RAB38: variants seen among roughly 807,000 people sequenced by gnomAD.
RAB38 encodes ras-related protein Rab-38.
Under a neutral mutation model 18.4 loss-of-function variants are expected in RAB38, and 15 were observed. The observed-to-expected ratio is 0.82, with a 90% confidence interval of 0.55 to 1.26. The LOEUF is 1.26. Among genes scored for constraint, RAB38 ranks in the 50% most tolerant of loss-of-function variants. The pLI is 0.00. For synonymous variants in RAB38, 101 were observed against 104.4 expected (o/e 0.97, Z 0.20); for missense variants, 294 against 267.4 (o/e 1.10, Z -0.69).
the RAB38 span, among the ~76,000 whole-genome samples, chr11:87,963,690 A>T: frequency 6.8e-6 from 1 of 147,064 alleles, no homozygotes; most frequent in Non-Finnish European, 1.5e-5. Context: ...TCTGTTGCCC[A>T]GGCTGGAGTG....
chr11:87,855,152 T>G, the RAB38 span, among the ~76,000 whole-genome samples: 9 of 152,140 alleles, frequency 5.9e-5, no homozygotes, highest in African/African-American at 2.2e-4. Flanking sequence ...TTTCCCTCAT[T>G]TTTTTCTAAG....
chr11:87,918,810 T>C, the RAB38 span, among the ~76,000 whole-genome samples: 1 of 152,250 alleles, frequency 6.6e-6, no homozygotes, highest in Non-Finnish European at 1.5e-5. Flanking sequence ...TTTACTTCCA[T>C]TCCATAGGTT....
chr11:87,809,401 T>A, the RAB38 span, among the ~76,000 whole-genome samples: 1 of 152,244 alleles, frequency 6.6e-6, no homozygotes, highest in Non-Finnish European at 1.5e-5. Context: ...AAACTTTTGC[T>A]TGATCTTGCC....
At chr11:87,822,864 G>GA in the RAB38 span, among the ~76,000 whole-genome samples, 1 of 151,958 alleles carries the variant, frequency 6.6e-6, no homozygotes, top group Non-Finnish European at 1.5e-5. Flanking sequence ...TAGAAAGAAT[G>GA]AAAAATGACA....
chr11:87,950,675 G>A, the RAB38 span, among the ~76,000 whole-genome samples: 7,445 of 152,166 alleles, frequency 0.049, 632 homozygotes, highest in African/African-American at 0.17. Context: ...GAAATTCTGG[G>A]TTGAAAATTC....
At chr11:87,891,890 T>C in the RAB38 span, among the ~76,000 whole-genome samples, 54 of 151,820 alleles carry the variant, frequency 3.6e-4, no homozygotes, top group Non-Finnish European at 6.2e-4. Flanking sequence ...TTCTCTTTTG[T>C]TTTTTCTCCT....
At chr11:88,030,035 G>C in the RAB38 span, among the ~76,000 whole-genome samples, 1 of 152,074 alleles carries the variant, frequency 6.6e-6, no homozygotes, top group East Asian at 1.9e-4. Context: ...CTATCTCTCA[G>C]ACCACAGTGC....
chr11:87,923,962 A>G, the RAB38 span, among the ~76,000 whole-genome samples: 1 of 40,946 alleles, frequency 2.4e-5, no homozygotes, highest in Non-Finnish European at 4.2e-5. Context: ...GAGAAAATTG[A>G]AAAAAAAAAA....
At chr11:88,041,464 C>T in the RAB38 span, among the ~76,000 whole-genome samples, 2 of 152,210 alleles carry the variant, frequency 1.3e-5, no homozygotes, top group South Asian at 2.1e-4. Context: ...TTTTGTTACA[C>T]GTTTTACCCA....
the RAB38 span, among the ~76,000 whole-genome samples, chr11:87,927,908 A>G: frequency 6.6e-6 from 1 of 151,882 alleles, no homozygotes; most frequent in Admixed American, 6.6e-5. Context: ...TCTACACAAC[A>G]TAAACAATTT....
the RAB38 span, among the ~76,000 whole-genome samples, chr11:87,930,221 C>T: frequency 3.3e-5 from 5 of 152,190 alleles, no homozygotes; most frequent in South Asian, 2.1e-4. Flanking sequence ...TCCTCTCCAG[C>T]ATCTGTTGTT....
chr11:88,093,616 C>T, the RAB38 span, among the ~76,000 whole-genome samples: 2 of 151,868 alleles, frequency 1.3e-5, no homozygotes, highest in Non-Finnish European at 2.9e-5. Flanking sequence ...ACCTCCACTG[C>T]TGCTTTCAAT....
At chr11:87,883,305 C>T in the RAB38 span, among the ~76,000 whole-genome samples, 4 of 151,836 alleles carry the variant, frequency 2.6e-5, no homozygotes, top group Admixed American at 6.6e-5. Flanking sequence ...AGGGAAATAG[C>T]AGAAGGAGGT....
chr11:87,893,739 T>G, the RAB38 span, among the ~76,000 whole-genome samples: 1 of 151,652 alleles, frequency 6.6e-6, no homozygotes, highest in Non-Finnish European at 1.5e-5. Flanking sequence ...TCTATGATTT[T>G]GGCTACTTTA....
the RAB38 span, among the ~76,000 whole-genome samples, chr11:88,052,901 CATATATATATATATATATATAT>C: frequency 0.021 from 447 of 21,526 alleles, 28 homozygotes; most frequent in Admixed American, 0.051. Flanking sequence ...GAAAAAATTT[CATATATATATATATATATATAT>C]ATATATATAT....
chr11:88,116,019 T>C (rs576720661), intron 2 of RAB38, among the ~76,000 whole-genome samples: 1 of 152,332 alleles, frequency 6.6e-6, no homozygotes, highest in Non-Finnish European at 1.5e-5. Flanking sequence ...CCCCATCCCC[T>C]GTTGGGCAAC....
At chr11:87,958,823 T>C in the RAB38 span, among the ~76,000 whole-genome samples, 1 of 152,190 alleles carries the variant, frequency 6.6e-6, no homozygotes, top group Non-Finnish European at 1.5e-5. Flanking sequence ...GTAAGTGACA[T>C]ATGCAAATCC....
the RAB38 span, among the ~76,000 whole-genome samples, chr11:88,020,341 G>T: frequency 1.3e-5 from 2 of 152,122 alleles, no homozygotes; most frequent in South Asian, 2.1e-4. Context: ...GACAAAAACT[G>T]TAAGAAGAGA....
At chr11:87,905,438 C>T in the RAB38 span, among the ~76,000 whole-genome samples, 1 of 151,730 alleles carries the variant, frequency 6.6e-6, no homozygotes, top group Non-Finnish European at 1.5e-5. Context: ...AATCCTAAAC[C>T]TTATAAATGG....
Sources: gnomAD v4.1 joint callset for allele counts (sites outside exome capture counted in the v4.1 genomes callset) on GRCh38, gnomAD v4.1.1 for gene constraint, MANE v1.5 for transcripts, NCBI Gene and HGNC (gene_info 2026-07-23, HGNC 2026-07-21) for gene names.